Variants in RNLS observed in about 807,000 individuals in gnomAD.
RNLS encodes the protein renalase.
In RNLS, 39 loss-of-function variants were observed where a neutral mutation model predicts 39.8. The ratio of observed to expected loss-of-function variants is 0.98; its 90% CI spans 0.76 to 1.28. The LOEUF (loss-of-function observed/expected upper bound fraction) is 1.28. Ranked by LOEUF, RNLS falls within the 50% of genes most tolerant of loss-of-function variation. RNLS has a pLI of 0.00. For missense variants in RNLS, 410 were observed against 413.3 expected (o/e 0.99, Z 0.07); for synonymous variants, 147 against 150.7 (o/e 0.98, Z 0.18).
chr10:88,200,102 C>T, the RNLS span, among the ~76,000 whole-genome samples: 3 of 152,298 alleles, frequency 2.0e-5, no homozygotes, highest in South Asian at 6.2e-4. Context: ...GCACTCCAGC[C>T]TGGGTGACAG....
intron 4 of RNLS, among the ~76,000 whole-genome samples, chr10:88,524,666 C>T (rs1047785698): frequency 1.3e-5 from 2 of 151,860 alleles, no homozygotes; most frequent in African/African-American, 2.4e-5. Context: ...GTGCCTATGT[C>T]TACCATGTCA....
At chr10:88,376,198 G>C (rs1444263116) in intron 4 of RNLS, among the ~76,000 whole-genome samples, 1 of 152,088 alleles carries the variant, frequency 6.6e-6, no homozygotes, top group African/African-American at 2.4e-5. Context: ...ACTAAAGGGA[G>C]CTCAGAGGAA....
At chr10:88,574,821 T>C (rs563842432) in intron 3 of RNLS, among the ~76,000 whole-genome samples, 11 of 152,122 alleles carry the variant, frequency 7.2e-5, no homozygotes, top group African/African-American at 2.7e-4. Flanking sequence ...ATTTGCACTT[T>C]CAACACATAT....
At chr10:88,316,470 A>C (rs1044022832) in intron 5 of RNLS, among the ~76,000 whole-genome samples, 3 of 152,232 alleles carry the variant, frequency 2.0e-5, no homozygotes, top group Non-Finnish European at 4.4e-5. Context: ...TCTTCCATAC[A>C]GTACCACATC....
intron 4 of RNLS, among the ~76,000 whole-genome samples, chr10:88,533,063 T>C (rs929413084): frequency 6.6e-6 from 1 of 152,126 alleles, no homozygotes; most frequent in Non-Finnish European, 1.5e-5. Context: ...AAAATAAACA[T>C]TTAATTGCTC....
intron 5 of RNLS, among the ~76,000 whole-genome samples, chr10:88,336,506 C>A (rs979348483): frequency 6.6e-6 from 1 of 152,124 alleles, no homozygotes; most frequent in East Asian, 1.9e-4. Context: ...AAACCCCACA[C>A]GATGAATTGA....
intron 4 of RNLS, among the ~76,000 whole-genome samples, chr10:88,399,142 G>A (rs747894020): frequency 2.6e-5 from 4 of 152,038 alleles, no homozygotes; most frequent in South Asian, 2.1e-4. Context: ...ACAAGTACTG[G>A]CAGGAATATA....
chr10:88,499,086 A>T (rs749749048), intron 4 of RNLS, among the ~76,000 whole-genome samples: 6 of 152,152 alleles, frequency 3.9e-5, no homozygotes, highest in Non-Finnish European at 7.4e-5. Context: ...GTGCTTATGC[A>T]GGGGAATGTC....
chr10:88,198,441 A>G, the RNLS span, among the ~76,000 whole-genome samples: 1 of 152,192 alleles, frequency 6.6e-6, no homozygotes, highest in Non-Finnish European at 1.5e-5. Context: ...GTAGCAATAA[A>G]TTCTTTATTG....
At chr10:88,311,473 T>A (rs1366252276) in intron 6 of RNLS, among the ~76,000 whole-genome samples, 1 of 152,222 alleles carries the variant, frequency 6.6e-6, no homozygotes, top group African/African-American at 2.4e-5. Flanking sequence ...CCACAAAAAG[T>A]CTGCCATTGC....
intron 6 of RNLS, among the ~76,000 whole-genome samples, chr10:88,286,359 T>C (rs747877027): frequency 6.6e-6 from 1 of 151,992 alleles, no homozygotes; most frequent in Non-Finnish European, 1.5e-5. Flanking sequence ...TATCTGAAAG[T>C]ATGAAAAAAG....
intron 5 of RNLS, among the ~76,000 whole-genome samples, chr10:88,356,112 C>G (rs940715659): frequency 3.9e-5 from 6 of 152,192 alleles, no homozygotes; most frequent in African/African-American, 1.4e-4. Context: ...CAAGTGCTGT[C>G]TGTCGCAGCT....
At chr10:88,214,498 C>CAAAAAAAAAAAAAAA in the RNLS span, among the ~76,000 whole-genome samples, 1 of 135,128 alleles carries the variant, frequency 7.4e-6, no homozygotes, top group Non-Finnish European at 1.6e-5. Flanking sequence ...GACTCCGTCT[C>CAAAAAAAAAAAAAAA]AAAAAAAAAA....
intron 4 of RNLS, among the ~76,000 whole-genome samples, chr10:88,537,820 T>G (rs1451377968): frequency 6.6e-6 from 1 of 152,180 alleles, no homozygotes; most frequent in Non-Finnish European, 1.5e-5. Context: ...TTGTAAAAAT[T>G]CATCAAGATG....
chr10:88,181,167 G>A, the RNLS span, among the ~76,000 whole-genome samples: 2 of 152,172 alleles, frequency 1.3e-5, no homozygotes, highest in Non-Finnish European at 2.9e-5. Context: ...GAAAGATGGA[G>A]GCAGAAGCAC....
At chr10:88,404,233 G>A (rs1196177490) in intron 4 of RNLS, among the ~76,000 whole-genome samples, 1 of 152,008 alleles carries the variant, frequency 6.6e-6, no homozygotes, top group Admixed American at 6.6e-5. Flanking sequence ...ATGGTTGAAA[G>A]GCTTCAGTGT....
At chr10:88,486,857 C>T (rs1844556817) in intron 4 of RNLS, among the ~76,000 whole-genome samples, 1 of 152,170 alleles carries the variant, frequency 6.6e-6, no homozygotes, top group African/African-American at 2.4e-5. Flanking sequence ...AATCCCATTA[C>T]TGGGTATATA....
At chr10:88,544,047 C>T (rs145504683) in intron 4 of RNLS, among the ~76,000 whole-genome samples, 15 of 152,296 alleles carry the variant, frequency 9.8e-5, no homozygotes, top group African/African-American at 3.4e-4. Context: ...CTTATAAGCT[C>T]TGTGACTTTG....
intron 4 of RNLS, among the ~76,000 whole-genome samples, chr10:88,391,068 T>C (rs937874418): frequency 2.6e-5 from 4 of 152,230 alleles, no homozygotes; most frequent in Admixed American, 6.5e-5. Context: ...TCAATATCCA[T>C]GGCACATATG....
Sources: gnomAD v4.1 joint callset for allele counts (sites outside exome capture counted in the v4.1 genomes callset) on GRCh38, gnomAD v4.1.1 for gene constraint, MANE v1.5 for transcripts, NCBI Gene and HGNC (gene_info 2026-07-23, HGNC 2026-07-21) for gene names.